Variants in PDPN observed in about 807,000 individuals in gnomAD.
The protein encoded by PDPN is podoplanin.
PDPN carries 12 observed loss-of-function variants against 23.2 expected under a neutral mutation model. That is an observed-to-expected ratio of 0.52 (90% CI 0.33 to 0.84). PDPN has a LOEUF of 0.84. Among genes scored for constraint, PDPN ranks in the 40% least tolerant of loss-of-function variants. PDPN has a pLI of 0.02. For synonymous variants in PDPN, 77 were observed against 76.7 expected (o/e 1.00, Z -0.02); for missense variants, 199 against 212.2 (o/e 0.94, Z 0.39).
intron 1 of PDPN, among the ~76,000 whole-genome samples, chr1:13,586,258 A>G (rs1452754996): frequency 2.0e-5 from 3 of 152,158 alleles, no homozygotes; most frequent in African/African-American, 7.2e-5. Context: ...AACGCTTGCC[A>G]GTTTGGAGGC....
At position 13,600,247 on chromosome 1, in the gene PDPN, G is replaced by A. The variant is rs76312348; in HGVS notation, c.68-6926G>A. The stretch of plus-strand genomic sequence containing the variant: ...GCAGGCATTTTAGCCCAAAGCTGCC[G>A]GGAGAGCACATCACGAAAATGCACA... On this transcript the variant is annotated intron_variant, in intron 1 of 5. Transcript: ENST00000621990. Among the ~76,000 whole-genome samples the A allele has an allele frequency of 5.9e-3, 900 of 152,302 alleles. 11 individuals carry two copies. The highest frequency in any genetic ancestry group is 0.02 in the African/African-American group (843 of 41,568).
At position 13,607,004 on chromosome 1, in the gene PDPN, C is replaced by T. The variant is rs1640805389; in HGVS notation, c.68-169C>T. On this transcript the variant is annotated intron_variant, in intron 1 of 5. Coordinates refer to ENST00000621990, the MANE Select transcript of PDPN (RefSeq NM_006474.5). ...GGGTGTTGATGTGTCAGAAGTGCTG[C>T]AAGGAGAATGGTTTGGTTTCTGGCA... is the stretch of plus-strand genomic sequence containing the variant. Among the ~76,000 whole-genome samples the T allele has an allele frequency of 2.0e-5, 3 of 152,094 alleles. No individual in the cohort carries two copies. In the South Asian group the frequency reaches 6.2e-4, roughly 32 times the overall value.
chr1:13,611,098 G>A (rs1640923492), intron 3 of PDPN, among the ~76,000 whole-genome samples: 1 of 152,112 alleles, frequency 6.6e-6, no homozygotes, highest in Non-Finnish European at 1.5e-5. Context: ...GCGGGCGCCT[G>A]TAGTCCCAGC....
At chr1:13,597,894 G>A (rs1640537192) in intron 1 of PDPN, among the ~76,000 whole-genome samples, 1 of 152,076 alleles carries the variant, frequency 6.6e-6, no homozygotes, top group African/African-American at 2.4e-5. Flanking sequence ...AGGATCACTT[G>A]AGCCTGGAAA....
At chr1:13,614,014 A>G (rs2100288298) in intron 4 of PDPN, among the ~76,000 whole-genome samples, 1 of 152,198 alleles carries the variant, frequency 6.6e-6, no homozygotes, top group East Asian at 1.9e-4. Context: ...GGATGAAAAT[A>G]GGGGCCAACT....
intron 1 of PDPN, among the ~76,000 whole-genome samples, chr1:13,605,628 CT>C (rs768414785): frequency 3.3e-5 from 5 of 151,360 alleles, no homozygotes; most frequent in African/African-American, 1.2e-4. Flanking sequence ...CAGCAGAAAC[CT>C]TTTTTTTTCT....
intron 1 of PDPN, among the ~76,000 whole-genome samples, chr1:13,599,026 T>TTTTTTTTTTTTTTTTTTTC: frequency 6.7e-6 from 1 of 150,298 alleles, no homozygotes; most frequent in South Asian, 2.1e-4. Flanking sequence ...TTTTTTTTTT[T>TTTTTTTTTTTTTTTTTTTC]TTGGAGATGG....
intron 1 of PDPN, among the ~76,000 whole-genome samples, chr1:13,597,395 A>C (rs1388043755): frequency 6.6e-6 from 1 of 152,206 alleles, no homozygotes; most frequent in Admixed American, 6.5e-5. Flanking sequence ...TTCCTTTGAA[A>C]ATCCCGAGGG....
chr1:13,611,018 A>G (rs554433344), intron 3 of PDPN, among the ~76,000 whole-genome samples: 29 of 152,262 alleles, frequency 1.9e-4, no homozygotes, highest in African/African-American at 4.3e-4. Flanking sequence ...TCAGGAGATC[A>G]AGACCATCCT....
intron 5 of PDPN, chr1:13,614,801 G>C: frequency 3.9e-6 from 2 of 515,220 alleles, no homozygotes; most frequent in South Asian, 2.8e-5. Context: ...AAATAAGAAA[G>C]AGCCTCTTCA....
intron 1 of PDPN, among the ~76,000 whole-genome samples, chr1:13,593,668 C>T (rs545614908): frequency 6.6e-6 from 1 of 152,272 alleles, no homozygotes; most frequent in South Asian, 2.1e-4. Context: ...TGCAAAGGGG[C>T]TTCTTTTCTC....
chr1:13,603,833 C>T (rs960228735), intron 1 of PDPN, among the ~76,000 whole-genome samples: 1 of 152,150 alleles, frequency 6.6e-6, no homozygotes, highest in African/African-American at 2.4e-5. Flanking sequence ...GTGATCCACC[C>T]ACCTCCACCT....
intron 1 of PDPN, among the ~76,000 whole-genome samples, chr1:13,591,716 A>T (rs924185805): frequency 1.3e-5 from 2 of 152,230 alleles, no homozygotes; most frequent in Non-Finnish European, 2.9e-5. Context: ...TTTTTTAGAG[A>T]TGAGGTCTTC....
At chr1:13,591,162 G>C (rs958054028) in intron 1 of PDPN, among the ~76,000 whole-genome samples, 2 of 151,920 alleles carry the variant, frequency 1.3e-5, no homozygotes, top group African/African-American at 4.8e-5. Flanking sequence ...GGATGGTCTC[G>C]AACTCCTGAC....
At position 13,607,208 on chromosome 1, in the gene PDPN, A is replaced by G. The variant is rs1245316646; in HGVS notation, c.103A>G (p.Thr35Ala). The change falls in exon 2 of 6, where the codon ACA becomes GCA. Residue 35 changes from threonine (T) to alanine (A), a missense_variant. By Grantham distance (58) the Thr-to-Ala change is moderately conservative (BLOSUM62 0). Transcript: ENST00000621990. ...TGQPEDDTETTGLEGGVAMPG... is the reference protein window; with the variant it reads ...TGQPEDDTETAGLEGGVAMPG... ...CCAGCCAGAAGATGACACTGAGACT[A>G]CAGGTTTGGAAGGCGGCGTTGCCAT... 28 of 1,613,944 alleles carry G rather than the reference A, an allele frequency of 1.7e-5. No homozygotes were observed. Among genetic ancestry groups the G allele is most frequent in the Non-Finnish European group, 2.3e-5 (27 of 1,179,948 alleles).
At chr1:13,587,250 T>C (rs998708178) in intron 1 of PDPN, among the ~76,000 whole-genome samples, 1 of 152,214 alleles carries the variant, frequency 6.6e-6, no homozygotes, top group Admixed American at 6.5e-5. Context: ...CTGCAAATAG[T>C]TATTAAGCAT....
At chr1:13,596,480 G>C (rs1640499767) in intron 1 of PDPN, among the ~76,000 whole-genome samples, 1 of 152,228 alleles carries the variant, frequency 6.6e-6, no homozygotes, top group Admixed American at 6.5e-5. Context: ...CTCCATGGAA[G>C]GGGTGAAGGG....
chr1:13,595,029 G>A (rs989987225), intron 1 of PDPN, among the ~76,000 whole-genome samples: 6 of 149,554 alleles, frequency 4.0e-5, no homozygotes, highest in Non-Finnish European at 7.4e-5. Context: ...AAAAAAAAAC[G>A]AGAGCATGCA....
chr1:13,611,341 A>G (rs902994703), intron 3 of PDPN, among the ~76,000 whole-genome samples: 1 of 152,144 alleles, frequency 6.6e-6, no homozygotes, highest in African/African-American at 2.4e-5. Context: ...TCAAGTGGCC[A>G]TGGATAGTTG....
Sources: gnomAD v4.1 joint callset for allele counts (sites outside exome capture counted in the v4.1 genomes callset) on GRCh38, gnomAD v4.1.1 for gene constraint, MANE v1.5 for transcripts, NCBI Gene and HGNC (gene_info 2026-07-23, HGNC 2026-07-21) for gene names.